The following RPTOR variants were observed in gnomAD, a reference collection of about 807,000 sequenced individuals.
The protein encoded by RPTOR is regulatory-associated protein of mTOR.
A neutral mutation model predicts 169.9 loss-of-function variants in RPTOR; 21 were observed. The observed-to-expected ratio is 0.12, with a 90% CI of 0.09 to 0.18. The LOEUF (loss-of-function observed/expected upper bound fraction) is 0.18, where lower values mean the gene tolerates loss of function less well. Ranked by LOEUF, RPTOR falls within the 10% of genes least tolerant of loss-of-function variation. The probability of loss-of-function intolerance (pLI) is 1.00; values close to 1 mark genes in which losing one functional copy is unlikely to be tolerated. For synonymous variants in RPTOR, 732 were observed against 753.2 expected, an observed-to-expected ratio of 0.97 and a Z score of 0.46; for missense variants, 1,133 against 1,855.9, an observed-to-expected ratio of 0.61 and a Z score of 7.16.
chr17:80,547,649 T>C (rs2084293239), intron 1 of RPTOR, among the ~76,000 whole-genome samples: 1 of 152,192 alleles, frequency 6.6e-6, no homozygotes, highest in Admixed American at 6.5e-5. Context: ...TCTTGTCATC[T>C]CTTCCCTCTT....
At chr17:80,825,996 G>C (rs1052899694) in intron 9 of RPTOR, among the ~76,000 whole-genome samples, 2 of 152,156 alleles carry the variant, frequency 1.3e-5, no homozygotes, top group African/African-American at 4.8e-5. Flanking sequence ...GGTGGGCGGA[G>C]AGAAGTCAGG....
chr17:80,679,925 C>T (rs553863475), intron 3 of RPTOR, among the ~76,000 whole-genome samples: 271 of 152,298 alleles, frequency 1.8e-3, no homozygotes, highest in African/African-American at 6.3e-3. Flanking sequence ...TCCCCAGAGC[C>T]CAGAGAGGCG....
At chr17:80,701,679 A>C (rs962323707) in intron 3 of RPTOR, among the ~76,000 whole-genome samples, 13 of 152,130 alleles carry the variant, frequency 8.5e-5, no homozygotes, top group Non-Finnish European at 1.5e-4. Context: ...GGTTTGTTGG[A>C]TCTAAACTTG....
intron 3 of RPTOR, among the ~76,000 whole-genome samples, chr17:80,675,067 C>T (rs933375521): frequency 6.6e-6 from 1 of 152,130 alleles, no homozygotes; most frequent in Non-Finnish European, 1.5e-5. Context: ...ATTCTCAGTT[C>T]GCAGATTCTT....
rs1279698879 is a variant in RPTOR, at chr17:80,923,565, C to G, written c.2700C>G (p.Asp900Glu). Reference sequence around the variant, plus strand: ...TGGCCAAGCAGCCGGTCAGCCGAGACTTGCCTTCTGGCCGGCCGGGCACCA... The same window carrying G: ...TGGCCAAGCAGCCGGTCAGCCGAGAGTTGCCTTCTGGCCGGCCGGGCACCA... ...NDVAKQPVSR[D>E]LPSGRPGTTG... The change falls in exon 23 of 34, where the codon GAC becomes GAG. Residue 900 changes from aspartate to glutamate, a missense_variant. Asp to Glu is a conservative substitution (Grantham distance 45). Transcript: ENST00000306801. 4 of 1,613,440 alleles carry G rather than the reference C, an allele frequency of 2.5e-6. No individual in the cohort carries two copies. Among genetic ancestry groups the G allele is most frequent in the Non-Finnish European group, 3.4e-6 (4 of 1,180,010 alleles).
chr17:80,561,809 C>T (rs1469890814), intron 1 of RPTOR, among the ~76,000 whole-genome samples: 4 of 151,752 alleles, frequency 2.6e-5, no homozygotes, highest in Admixed American at 6.6e-5. Context: ...TGAGTGTGTA[C>T]GTGTGTTTGT....
chr17:80,829,525 C>T (rs2067480271), intron 9 of RPTOR, among the ~76,000 whole-genome samples: 1 of 152,254 alleles, frequency 6.6e-6, no homozygotes, highest in African/African-American at 2.4e-5. Context: ...CAACCCGACA[C>T]ATCCAACCAG....
intron 7 of RPTOR, among the ~76,000 whole-genome samples, chr17:80,810,962 T>C (rs2067266143): frequency 6.6e-6 from 1 of 152,222 alleles, no homozygotes; most frequent in South Asian, 2.1e-4. Flanking sequence ...ACTTATTGGC[T>C]CTGGGAGCTG....
intron 6 of RPTOR, among the ~76,000 whole-genome samples, chr17:80,789,493 A>G (rs1332990771): frequency 8.5e-5 from 13 of 152,164 alleles, no homozygotes; most frequent in African/African-American, 2.4e-4. Context: ...TGCGTTTTCA[A>G]CCTTCCTGCT....
rs2066033312 is a variant in RPTOR at position 80,695,997 on chromosome 17, G to T, written c.349-11844G>T. Among the ~76,000 whole-genome samples the T allele has an allele frequency of 1.3e-5, 2 of 152,348 alleles. No homozygotes were observed. Among genetic ancestry groups the T allele is most frequent in the South Asian group, 4.1e-4 (2 of 4,834 alleles). On this transcript the variant is annotated intron_variant, in intron 3 of 33. Coordinates refer to ENST00000306801, the MANE Select transcript of RPTOR (RefSeq NM_020761.3). This position sits in a 1 kb window ranked among gnomAD's most constrained non-coding sequence, Gnocchi z 4.9. ...TTAGATGGAAATTGGCCGTGTCTCT[G>T]CTGTTTCTGAGTGTGCGACTCTCAG... is the stretch of plus-strand genomic sequence containing the variant.
At position 80,610,797 on chromosome 17, in the gene RPTOR, A is replaced by G. The variant is rs1218679316; in HGVS notation, c.163-14894A>G. 3.3e-5 allele frequency among the ~76,000 whole-genome samples: 5 copies of G among 152,142 alleles called. 1 individual carries two copies. The highest frequency in any genetic ancestry group is 3.3e-4 in the Admixed American group (5 of 15,270). Reference sequence around the variant, plus strand: ...CTCTTGAAGGAAAGAAAACCCAGAAAGTTCTTTTTGACTTCTGTCGTACTG... The same window carrying G: ...CTCTTGAAGGAAAGAAAACCCAGAAGGTTCTTTTTGACTTCTGTCGTACTG... On this transcript the variant is annotated intron_variant, in intron 1 of 33. Transcript: ENST00000306801.
intron 14 of RPTOR, among the ~76,000 whole-genome samples, chr17:80,883,017 G>T (rs1485821218): frequency 6.6e-6 from 1 of 152,232 alleles, no homozygotes; most frequent in Non-Finnish European, 1.5e-5. Context: ...AACCTAGAGC[G>T]CTGCCTCCAT....
intron 4 of RPTOR, among the ~76,000 whole-genome samples, chr17:80,714,362 A>G (rs1019651856): frequency 6.6e-6 from 1 of 152,216 alleles, no homozygotes; most frequent in East Asian, 1.9e-4. Flanking sequence ...CGACTTAATT[A>G]ACATTTATAC....
rs528543552 is a variant in RPTOR, at chr17:80,944,877, G to A, written c.3026-790G>A. Reference sequence around the variant, plus strand: ...GTGGTGGCGGATGCCTGTAATCCCAGCGACTCAGGAGGCTGAGGCAGGAGA... The same window carrying A: ...GTGGTGGCGGATGCCTGTAATCCCAACGACTCAGGAGGCTGAGGCAGGAGA... On this transcript the variant is annotated intron_variant, in intron 25 of 33. Transcript: ENST00000306801. Among the ~76,000 whole-genome samples the A allele has an allele frequency of 4.9e-4, 74 of 152,066 alleles. 1 individual carries two copies. The highest frequency in any genetic ancestry group is 1.6e-3 in the African/African-American group (66 of 41,478).
intron 24 of RPTOR, among the ~76,000 whole-genome samples, chr17:80,938,405 G>A (rs1463946085): frequency 1.3e-5 from 2 of 152,214 alleles, no homozygotes; most frequent in African/African-American, 4.8e-5. Flanking sequence ...TTTATTCCCA[G>A]AGAAGCCCGA....
chr17:80,953,712 A>C (rs1451010495), intron 28 of RPTOR, among the ~76,000 whole-genome samples: 1 of 152,252 alleles, frequency 6.6e-6, no homozygotes, highest in African/African-American at 2.4e-5. Context: ...TGTAGGTAAC[A>C]GCATATCCTG....
At chr17:80,949,324 G>A in intron 27 of RPTOR, 119 bp from the exon 28 acceptor site, 1 of 845,246 alleles carries the variant, frequency 1.2e-6, no homozygotes, top group Non-Finnish European at 2.0e-6. Context: ...AGTGAGTCAG[G>A]CTGGCCGCCC....
At chr17:80,566,017 C>T (rs2084584559) in intron 1 of RPTOR, among the ~76,000 whole-genome samples, 1 of 152,224 alleles carries the variant, frequency 6.6e-6, no homozygotes, top group Non-Finnish European at 1.5e-5. Context: ...CTTTGATGGA[C>T]TTGAAGAATT....
At chr17:80,687,288 C>T (rs71389767) in intron 3 of RPTOR, among the ~76,000 whole-genome samples, 1 of 152,216 alleles carries the variant, frequency 6.6e-6, no homozygotes, top group Non-Finnish European at 1.5e-5. Context: ...TCTCTCCTCC[C>T]ACCACACCAT....
Sources: gnomAD v4.1 joint callset for allele counts (sites outside exome capture counted in the v4.1 genomes callset) on GRCh38, gnomAD v4.1.1 for gene constraint, Gnocchi (gnomAD v3.1) non-coding constraint, MANE v1.5 for transcripts, NCBI Gene and HGNC (gene_info 2026-07-23, HGNC 2026-07-21) for gene names.